SORL1: variants seen among roughly 807,000 people sequenced by gnomAD.
The protein encoded by SORL1 is sortilin-related receptor.
SORL1 carries 127 observed loss-of-function variants against 273.7 expected under a neutral mutation model. The observed-to-expected ratio is 0.46, with a 90% CI of 0.40 to 0.54. The LOEUF (loss-of-function observed/expected upper bound fraction) is 0.54. Ranked by LOEUF, SORL1 falls within the 20% of genes least tolerant of loss-of-function variation. SORL1 has a pLI of 0.00. For synonymous variants in SORL1, 1,031 were observed against 1,067.4 expected (o/e 0.97, Z 0.66); for missense variants, 2,494 against 2,846.1 (o/e 0.88, Z 2.81).
intron 30 of SORL1, chr11:121,590,756 A>T: frequency 1.4e-6 from 1 of 716,896 alleles, no homozygotes; most frequent in East Asian, 2.6e-5. Context: ...ACTTATCTGA[A>T]TATTAACCGA....
intron 23 of SORL1, among the ~76,000 whole-genome samples, chr11:121,572,922 A>T (rs1862866331): frequency 6.6e-6 from 1 of 152,304 alleles, no homozygotes; most frequent in Non-Finnish European, 1.5e-5. Flanking sequence ...TAACGGCAGC[A>T]TTGCTATTTG....
rs763260875 is a variant in SORL1 at position 121,595,657 on chromosome 11, T to G, written c.4404T>G (p.Leu1468=). 1 of 1,611,976 alleles carries G rather than the reference T, an allele frequency of 6.2e-7. No individual in the cohort carries two copies. Among genetic ancestry groups the G allele is most frequent in the Non-Finnish European group, 8.5e-7 (1 of 1,179,044 alleles). ...NVTAASTPTQ[L]GRCDRFEFEC... ...CTGCTGCCTCCACTCCCACCCAACT[T>G]GGGCGATGTGACCGATTTGAGTTCG... The change falls in exon 32 of 48, where the codon CTT becomes CTG. Residue 1468 remains leucine, a synonymous_variant. Transcript: ENST00000260197. This position sits in a 1 kb window ranked among gnomAD's most constrained non-coding sequence, Gnocchi z 5.1.
At chr11:121,572,901 G>T (rs1169404737) in intron 23 of SORL1, among the ~76,000 whole-genome samples, 1 of 152,144 alleles carries the variant, frequency 6.6e-6, no homozygotes, top group African/African-American at 2.4e-5. Flanking sequence ...AATAAGAGCT[G>T]CCAGGATGTC....
chr11:121,478,527 G>A (rs928200417), intron 3 of SORL1, among the ~76,000 whole-genome samples: 3 of 152,192 alleles, frequency 2.0e-5, no homozygotes, highest in Admixed American at 1.3e-4. Context: ...TACCTTGCCC[G>A]ACTTGCAGAT....
intron 2 of SORL1, among the ~76,000 whole-genome samples, chr11:121,471,281 C>A (rs1861163004): frequency 6.6e-6 from 1 of 152,212 alleles, no homozygotes; most frequent in Non-Finnish European, 1.5e-5. Flanking sequence ...GTTGCCACAT[C>A]TTCTGGTTTT....
At chr11:121,584,702 C>CT (rs1438079791) in intron 26 of SORL1, among the ~76,000 whole-genome samples, 1 of 152,104 alleles carries the variant, frequency 6.6e-6, no homozygotes, top group African/African-American at 2.4e-5. Flanking sequence ...AGGCATCTTC[C>CT]TACTTCAGCC....
intron 16 of SORL1, 113 bp from the exon 17 acceptor site, chr11:121,553,824 C>A (rs1862538921): frequency 6.8e-6 from 7 of 1,030,504 alleles, no homozygotes; most frequent in Non-Finnish European, 1.0e-5. Flanking sequence ...TTGGTCCACA[C>A]CACATGCCAA....
intron 38 of SORL1, 153 bp from the exon 39 acceptor site, chr11:121,610,923 G>GT: frequency 3.4e-6 from 2 of 586,348 alleles, no homozygotes; most frequent in Non-Finnish European, 6.1e-6. Flanking sequence ...GAAAACAGTG[G>GT]TAAAAAAAGA....
rs900903019 is a variant in SORL1, at chr11:121,632,116, C to T, written c.*2553C>T. On this transcript the variant is annotated 3_prime_UTR_variant, in exon 48 of 48. Transcript: ENST00000260197. ...CTTTTGTACCTTGTTGGAGATGCCACCTCAGAAGTTCACACTGTGCAGGAA... is the reference window on the plus strand; with the variant it reads ...CTTTTGTACCTTGTTGGAGATGCCATCTCAGAAGTTCACACTGTGCAGGAA... 1 of 152,190 alleles carries T rather than the reference C, an allele frequency of 6.6e-6. No individual in the cohort carries two copies. 9.4% of individuals were successfully genotyped at this position (152,190 alleles called of 1,614,324 possible).
intron 3 of SORL1, among the ~76,000 whole-genome samples, chr11:121,478,975 T>C (rs1358943670): frequency 6.6e-6 from 1 of 150,378 alleles, no homozygotes; most frequent in Non-Finnish European, 1.5e-5. Context: ...CATGCTTGTG[T>C]GCACGTGGGT....
intron 21 of SORL1, chr11:121,566,610 A>G (rs1283945735): frequency 8.7e-6 from 2 of 229,192 alleles, no homozygotes; most frequent in Non-Finnish European, 1.7e-5. Context: ...CCACTTCAAC[A>G]CCCATGCTCT....
chr11:121,620,001 G>A (rs1863699429), intron 43 of SORL1, 84 bp downstream of exon 43: 1 of 1,094,116 alleles, frequency 9.1e-7, no homozygotes, highest in Non-Finnish European at 1.4e-6. Context: ...CCTCTAATGG[G>A]GCAAGAAACA....
chr11:121,473,548 C>T (rs1171642539), intron 2 of SORL1, among the ~76,000 whole-genome samples: 1 of 150,524 alleles, frequency 6.6e-6, no homozygotes, highest in Non-Finnish European at 1.5e-5. Flanking sequence ...TGCTCAGGTG[C>T]AACATAATTG....
intron 1 of SORL1, among the ~76,000 whole-genome samples, chr11:121,457,392 G>A (rs910111310): frequency 1.3e-5 from 2 of 152,122 alleles, no homozygotes; most frequent in Non-Finnish European, 2.9e-5. Context: ...CTTTCCGGGT[G>A]GCATCCGTTG....
chr11:121,516,896 A>G (rs751859450), intron 8 of SORL1, among the ~76,000 whole-genome samples: 1 of 152,166 alleles, frequency 6.6e-6, no homozygotes, highest in Non-Finnish European at 1.5e-5. Context: ...TACTAAAAAT[A>G]CAAAAATTAG....
Position 121,514,177 on chromosome 11 carries a change from A to C in SORL1, c.1067A>C (p.Glu356Ala). ...INEYYIADAS[E>A]DQVFVCVSHS... ...GAATATTACATCGCAGATGCCTCCG[A>C]GGACCAGGTGTTTGTGTGTGTCAGC... Residue 356 changes from glutamate (E) to alanine (A), a missense_variant, in exon 8 of 48, where the codon GAG (glutamate) becomes GCG (alanine). By Grantham distance (107) the Glu-to-Ala change is moderately radical. Transcript: ENST00000260197. 6 of 1,613,732 alleles carry C rather than the reference A, an allele frequency of 3.7e-6. No individual in the cohort carries two copies. The highest frequency in any genetic ancestry group is 5.1e-6 in the Non-Finnish European group (6 of 1,179,908).
chr11:121,505,318 A>G (rs1861772097), intron 6 of SORL1, among the ~76,000 whole-genome samples: 2 of 151,852 alleles, frequency 1.3e-5, no homozygotes, highest in African/African-American at 4.8e-5. Context: ...TAATTTTAGT[A>G]ATTTGAGTCT....
chr11:121,585,690 C>A (rs1863091728), intron 26 of SORL1, among the ~76,000 whole-genome samples: 1 of 152,132 alleles, frequency 6.6e-6, no homozygotes, highest in African/African-American at 2.4e-5. Flanking sequence ...CATATATAAA[C>A]AAATTTAAGT....
At chr11:121,484,015 G>A (rs1185909616) in intron 3 of SORL1, among the ~76,000 whole-genome samples, 1 of 152,128 alleles carries the variant, frequency 6.6e-6, no homozygotes, top group Non-Finnish European at 1.5e-5. Context: ...TGTGGTTTCT[G>A]TGCAGGACAG....
Sources: allele counts gnomAD v4.1 joint callset (sites outside exome capture counted in the v4.1 genomes callset), GRCh38; gene constraint gnomAD v4.1.1; non-coding constraint Gnocchi (gnomAD v3.1); transcripts MANE v1.5; gene names NCBI Gene and HGNC (gene_info 2026-07-23, HGNC 2026-07-21).